PTPN4: variants seen among roughly 807,000 people sequenced by gnomAD.
PTPN4 encodes protein tyrosine phosphatase non-receptor type 4, also known as tyrosine-protein phosphatase non-receptor type 4.
Under a neutral mutation model 135.5 loss-of-function variants are expected in PTPN4, and 49 were observed. The ratio of observed to expected loss-of-function variants is 0.36; its 90% CI spans 0.29 to 0.46. The LOEUF is 0.46. Ranked by LOEUF, PTPN4 falls within the 20% of genes least tolerant of loss-of-function variation. The pLI, the probability that PTPN4 is intolerant of heterozygous loss-of-function variation, is 1.00. For missense variants in PTPN4, 860 were observed against 1,101.0 expected (o/e 0.78, Z 3.10); for synonymous variants, 333 against 369.9 (o/e 0.90, Z 1.14).
intron 1 of PTPN4, chr2:119,791,340 G>C (rs939253327): frequency 6.6e-6 from 1 of 152,056 alleles, no homozygotes; most frequent in Non-Finnish European, 1.5e-5. Flanking sequence ...ATGTTGGTTG[G>C]CCAGGATGGT....
intron 3 of PTPN4, among the ~76,000 whole-genome samples, chr2:119,867,439 AG>A (rs1043189825): frequency 6.6e-6 from 1 of 152,162 alleles, no homozygotes; most frequent in African/African-American, 2.4e-5. Context: ...CATGAGGAAA[AG>A]GGGTAAATCA....
At chr2:119,772,945 C>T (rs1481113451) in intron 1 of PTPN4, among the ~76,000 whole-genome samples, 1 of 152,144 alleles carries the variant, frequency 6.6e-6, no homozygotes, top group African/African-American at 2.4e-5. Context: ...GTCTGTGTCC[C>T]AGATACTCTG....
At chr2:119,825,633 T>A (rs185123088) in intron 2 of PTPN4, among the ~76,000 whole-genome samples, 21 of 151,940 alleles carry the variant, frequency 1.4e-4, no homozygotes, top group African/African-American at 5.1e-4. Flanking sequence ...GTAGCTAGGA[T>A]TACAGATGCC....
chr2:119,960,697 T>G, intron 22 of PTPN4, 110 bp from the exon 23 acceptor site: 1 of 951,036 alleles, frequency 1.1e-6, no homozygotes, highest in Non-Finnish European at 1.4e-6. Context: ...TGACGGCAGT[T>G]TATTGAGGTT....
chr2:119,942,448 G>T (rs1466892491), intron 15 of PTPN4, among the ~76,000 whole-genome samples: 1 of 152,158 alleles, frequency 6.6e-6, no homozygotes, highest in East Asian at 1.9e-4. Flanking sequence ...CCAAGAATAA[G>T]GAAGGTTTCC....
intron 2 of PTPN4, among the ~76,000 whole-genome samples, chr2:119,815,579 AT>A (rs1476114217): frequency 6.6e-6 from 1 of 152,218 alleles, no homozygotes; most frequent in Non-Finnish European, 1.5e-5. Context: ...ATACACAGAA[AT>A]TTTAAAATGC....
chr2:119,910,181 A>T (rs1678550416), intron 10 of PTPN4, among the ~76,000 whole-genome samples: 1 of 152,092 alleles, frequency 6.6e-6, no homozygotes, highest in South Asian at 2.1e-4. Flanking sequence ...ACCCTCCACC[A>T]ACAAAAGATT....
At chr2:119,872,016 G>A (rs1402011975) in intron 3 of PTPN4, among the ~76,000 whole-genome samples, 1 of 152,150 alleles carries the variant, frequency 6.6e-6, no homozygotes, top group Non-Finnish European at 1.5e-5. Flanking sequence ...AGGTGAAAGG[G>A]GAGCTGTAGT....
At position 119,841,399 on chromosome 2, in the gene PTPN4, G is replaced by A. The variant is rs183336029; in HGVS notation, c.139-21137G>A. Among the ~76,000 whole-genome samples, 3 of 152,232 alleles carry A rather than the reference G, an allele frequency of 2.0e-5. No individual in the cohort carries two copies. The East Asian group carries it at 5.8e-4, about 29-fold the overall frequency. On this transcript the variant is annotated intron_variant, in intron 2 of 26. Coordinates refer to ENST00000263708, the MANE Select transcript of PTPN4 (RefSeq NM_002830.4). The stretch of plus-strand genomic sequence containing the variant: ...TACATTATATATTCTTAGAGTTGGA[G>A]TCATGGAATACTTCCTGCTTTCTGT...
At chr2:119,800,507 C>A (rs1691342969) in intron 1 of PTPN4, among the ~76,000 whole-genome samples, 2 of 140,090 alleles carry the variant, frequency 1.4e-5, no homozygotes, top group Admixed American at 1.5e-4. Flanking sequence ...AGTCTATTGT[C>A]AGATAAATGT....
chr2:119,828,565 C>A (rs1489032567), intron 2 of PTPN4, among the ~76,000 whole-genome samples: 2 of 152,110 alleles, frequency 1.3e-5, no homozygotes, highest in African/African-American at 4.8e-5. Flanking sequence ...TTCTGTTGGG[C>A]AATTATCTAA....
intron 2 of PTPN4, among the ~76,000 whole-genome samples, chr2:119,845,298 G>GGGA (rs1213675268): frequency 3.5e-5 from 5 of 143,822 alleles, no homozygotes; most frequent in African/African-American, 1.0e-4. Flanking sequence ...GAGAGGGAGA[G>GGGA]GGCATTTTTC....
chr2:119,914,698 C>T (rs1678625772), intron 10 of PTPN4, among the ~76,000 whole-genome samples: 1 of 152,036 alleles, frequency 6.6e-6, no homozygotes, highest in Non-Finnish European at 1.5e-5. Context: ...TTCAATGAGA[C>T]AAAATGACTT....
intron 18 of PTPN4, chr2:119,946,802 T>C: frequency 2.3e-6 from 1 of 436,758 alleles, no homozygotes; most frequent in East Asian, 4.2e-5. Context: ...CTTTCATTGC[T>C]TCTAAAGCAT....
chr2:119,885,265 GTTTGTTTTTTTGT>G (rs1177538288), intron 8 of PTPN4, among the ~76,000 whole-genome samples: 3 of 152,106 alleles, frequency 2.0e-5, no homozygotes, highest in Admixed American at 6.5e-5. Flanking sequence ...GTCCTCATTT[GTTTGTTTTTTTGT>G]TTTGTTTTTT....
At chr2:119,853,849 A>G (rs1477533844) in intron 2 of PTPN4, among the ~76,000 whole-genome samples, 2 of 152,112 alleles carry the variant, frequency 1.3e-5, no homozygotes, top group African/African-American at 4.8e-5. Context: ...TGATGACTAG[A>G]GGAACACCAG....
At position 119,957,006 on chromosome 2, in the gene PTPN4, A is replaced by AT. The variant is rs780575924; in HGVS notation, c.2072-3dup. 1 of 1,608,278 alleles carries AT rather than the reference A, an allele frequency of 6.2e-7. No homozygotes were observed. Among genetic ancestry groups the AT allele is most frequent in the South Asian group, 1.1e-5 (1 of 89,670 alleles). Reference sequence around the variant, plus strand: ...TTTACTAAAACATTATTTCTTTTAAATTTTTTTAGATGATGCCACACGGGT... The same window carrying AT: ...TTTACTAAAACATTATTTCTTTTAAATTTTTTTTAGATGATGCCACACGGGT... On this transcript the variant is annotated splice_polypyrimidine_tract_variant and intron_variant, in intron 21 of 26. Coordinates refer to ENST00000263708, the MANE Select transcript of PTPN4 (RefSeq NM_002830.4).
chr2:119,778,268 C>T (rs1690874888), intron 1 of PTPN4, among the ~76,000 whole-genome samples: 1 of 152,132 alleles, frequency 6.6e-6, no homozygotes, highest in Non-Finnish European at 1.5e-5. Context: ...AACTAGCTGG[C>T]TGCTTCTAAT....
chr2:119,921,830 C>G (rs768325999), intron 12 of PTPN4, among the ~76,000 whole-genome samples: 7 of 152,108 alleles, frequency 4.6e-5, no homozygotes, highest in South Asian at 2.1e-4. Flanking sequence ...AGTACAAACC[C>G]TAAAGATATT....
Sources: gnomAD v4.1 joint callset for allele counts (sites outside exome capture counted in the v4.1 genomes callset) on GRCh38, gnomAD v4.1.1 for gene constraint, MANE v1.5 for transcripts, NCBI Gene and HGNC (gene_info 2026-07-23, HGNC 2026-07-21) for gene names.